Variants in NPAS2 observed in about 807,000 individuals in gnomAD.
NPAS2 encodes the protein neuronal PAS domain-containing protein 2.
A neutral mutation model predicts 107.5 loss-of-function variants in NPAS2; 23 were observed. The ratio of observed to expected loss-of-function variants is 0.21; its 90% CI spans 0.15 to 0.30. The LOEUF (loss-of-function observed/expected upper bound fraction) is 0.30, where lower values mean the gene tolerates loss of function less well. Among genes scored for constraint, NPAS2 ranks in the 10% least tolerant of loss-of-function variants. The pLI is 1.00. For missense variants in NPAS2, 756 were observed against 1,043.3 expected, an observed-to-expected ratio of 0.72 and a Z score of 3.79; for synonymous variants, 403 against 417.5, an observed-to-expected ratio of 0.97 and a Z score of 0.42.
rs145934985 is a variant in NPAS2 at position 100,941,235 on chromosome 2, A to T, written c.363+3393A>T. 3.9e-3 allele frequency among the ~76,000 whole-genome samples: 593 copies of T among 152,366 alleles called. 3 individuals carry two copies. The highest frequency in any genetic ancestry group is 5.4e-3 in the Admixed American group (83 of 15,310). ...TTTCTTTACCAAATTGGCAGAGAAA[A>T]AAGAGAATAAAATAGCTGAAAGTGA... On this transcript the variant is annotated intron_variant, in intron 5 of 20. Coordinates refer to ENST00000335681, the MANE Select transcript of NPAS2 (RefSeq NM_002518.4).
At chr2:100,982,058 C>A (rs1677475667) in intron 15 of NPAS2, among the ~76,000 whole-genome samples, 173 bp from the exon 16 acceptor site, 1 of 152,226 alleles carries the variant, frequency 6.6e-6, no homozygotes, top group African/African-American at 2.4e-5. Context: ...ATGCCCAGAC[C>A]TCATCTGCAG....
intron 1 of NPAS2, among the ~76,000 whole-genome samples, chr2:100,874,700 C>G (rs1024122413): frequency 1.3e-5 from 2 of 152,062 alleles, no homozygotes; most frequent in Admixed American, 1.3e-4. Context: ...TGAGATCACA[C>G]CATTGCACTC....
chr2:100,833,100 A>G (rs1676845924), intron 1 of NPAS2, among the ~76,000 whole-genome samples: 2 of 152,208 alleles, frequency 1.3e-5, no homozygotes. Context: ...GCAGCACCCT[A>G]TGACCTGATT....
chr2:100,966,753 G>A (rs1019069472), intron 10 of NPAS2, among the ~76,000 whole-genome samples: 111 of 151,896 alleles, frequency 7.3e-4, no homozygotes, highest in African/African-American at 2.6e-3. Context: ...GTGCCACCAC[G>A]CCCAGCTAAT....
At chr2:100,821,229 C>T in intron 1 of NPAS2, 2 of 1,294,772 alleles carry the variant, frequency 1.5e-6, no homozygotes, top group Non-Finnish European at 2.0e-6. Context: ...CCCTGTGATT[C>T]ATAAATAATT....
At chr2:100,828,882 C>CT in intron 1 of NPAS2, among the ~76,000 whole-genome samples, 1 of 152,170 alleles carries the variant, frequency 6.6e-6, no homozygotes, top group East Asian at 1.9e-4. Flanking sequence ...TATTCAAGCT[C>CT]TTTTTTGGTT....
intron 12 of NPAS2, 38 bp from the exon 13 acceptor site, chr2:100,974,765 G>A: frequency 6.3e-7 from 1 of 1,587,310 alleles, no homozygotes; most frequent in Non-Finnish European, 8.6e-7. Context: ...CTTTCCTCTT[G>A]ATGCTGACAT....
Position 100,852,590 on chromosome 2 carries a change from C to T in NPAS2, c.-23+32176C>T, listed in dbSNP as rs1280890254. Reference sequence around the variant, plus strand: ...AGCATACCCCATTTGGCCCCACAAACCTGTCCTTGTCTAGCTAGAGTGGAA... The same window carrying T: ...AGCATACCCCATTTGGCCCCACAAATCTGTCCTTGTCTAGCTAGAGTGGAA... On this transcript the variant is annotated intron_variant, in intron 1 of 20. Coordinates refer to ENST00000335681, the MANE Select transcript of NPAS2 (RefSeq NM_002518.4). Among the ~76,000 whole-genome samples the T allele has an allele frequency of 2.6e-5, 4 of 152,028 alleles. 1 individual carries two copies. Among genetic ancestry groups the T allele is most frequent in the Non-Finnish European group, 5.9e-5 (4 of 68,020 alleles).
rs923367822 is a variant in NPAS2, at chr2:100,968,199, C to G, written c.908-82C>G. The G allele has an allele frequency of 6.9e-7, 1 of 1,450,966 alleles. No individual in the cohort carries two copies. The highest frequency in any genetic ancestry group is 1.4e-5 in the African/African-American group (1 of 71,010). 89.9% of individuals were successfully genotyped at this position (1,450,966 alleles called of 1,614,324 possible). A position where few individuals can be genotyped will look rare whatever the true frequency, so the allele number is the denominator to read the frequency against. On this transcript the variant is annotated intron_variant, in intron 10 of 20. Transcript: ENST00000335681. The surrounding 1 kb of genome is among the most constrained non-coding windows in gnomAD (Gnocchi z 5.3). Reference sequence around the variant, plus strand: ...TTGGTATTGTCTTTTTTTTTGAAAGCTTATCTTTACAATAACTCTTGGGGA... The same window carrying G: ...TTGGTATTGTCTTTTTTTTTGAAAGGTTATCTTTACAATAACTCTTGGGGA...
At chr2:100,937,142 G>T (rs932868999) in intron 4 of NPAS2, among the ~76,000 whole-genome samples, 2 of 152,146 alleles carry the variant, frequency 1.3e-5, no homozygotes, top group African/African-American at 2.4e-5. Context: ...CAGACATTCT[G>T]AAATGCTTAC....
chr2:100,832,729 G>A (rs1676820169), intron 1 of NPAS2, among the ~76,000 whole-genome samples: 1 of 150,858 alleles, frequency 6.6e-6, no homozygotes, highest in African/African-American at 2.4e-5. Flanking sequence ...GGGGGTGCTA[G>A]TGCAGGAGAC....
intron 15 of NPAS2, among the ~76,000 whole-genome samples, chr2:100,979,497 TA>T (rs1677280018): frequency 1.9e-3 from 108 of 57,548 alleles, no homozygotes; most frequent in African/African-American, 8.6e-3. Context: ...TATATATATA[TA>T]TATATTTTTT....
chr2:100,937,870 C>T (rs377422237), intron 5 of NPAS2, 28 bp downstream of exon 5: 591 of 1,473,352 alleles, frequency 4.0e-4, no homozygotes, highest in South Asian at 4.6e-4. Flanking sequence ...TGGCCTTTAC[C>T]GGTTCACGTT....
At chr2:100,988,496 T>G (rs541396936) in intron 17 of NPAS2, 1 of 559,808 alleles carries the variant, frequency 1.8e-6, no homozygotes, top group African/African-American at 1.9e-5. Context: ...GTTTTATAAA[T>G]GTCCACCTCA....
chr2:100,909,242 G>A (rs775391780), intron 2 of NPAS2, among the ~76,000 whole-genome samples: 7 of 152,180 alleles, frequency 4.6e-5, no homozygotes, highest in African/African-American at 1.2e-4. Flanking sequence ...CCCTCAGAGC[G>A]CTTTCAGGCA....
chr2:100,993,160 C>T (rs1344127004), intron 19 of NPAS2, among the ~76,000 whole-genome samples, 187 bp from the exon 20 acceptor site: 1 of 152,114 alleles, frequency 6.6e-6, no homozygotes. Flanking sequence ...ATCTCGATCT[C>T]CTGACCTTGT....
At chr2:100,922,978 C>CT (rs1234346665) in intron 2 of NPAS2, among the ~76,000 whole-genome samples, 2 of 152,102 alleles carry the variant, frequency 1.3e-5, no homozygotes, top group African/African-American at 4.8e-5. Context: ...AGGAACAGAG[C>CT]TTTTTTTGGC....
chr2:100,884,607 T>C (rs1190769429), intron 1 of NPAS2, among the ~76,000 whole-genome samples: 4 of 152,168 alleles, frequency 2.6e-5, no homozygotes, highest in Non-Finnish European at 5.9e-5. Flanking sequence ...GGTGGTGTTA[T>C]TGTTAATATA....
In NPAS2 at chr2:100,970,384, G is replaced by A. The variant is rs563713875; in HGVS notation, c.1056-606G>A. Among the ~76,000 whole-genome samples the A allele has an allele frequency of 2.6e-5, 4 of 152,350 alleles. No individual in the cohort carries two copies. In the South Asian group the frequency reaches 6.2e-4, roughly 24 times the overall value. On this transcript the variant is annotated intron_variant, in intron 11 of 20. Coordinates refer to ENST00000335681, the MANE Select transcript of NPAS2 (RefSeq NM_002518.4). ...GGCGTTCCGGAGGCCCAGGAGCCAC[G>A]TTGCTTTCCAAGGCCTCTTGCCCCA...
Sources: gnomAD v4.1 joint callset for allele counts (sites outside exome capture counted in the v4.1 genomes callset) on GRCh38, gnomAD v4.1.1 for gene constraint, Gnocchi (gnomAD v3.1) non-coding constraint, MANE v1.5 for transcripts, NCBI Gene and HGNC (gene_info 2026-07-23, HGNC 2026-07-21) for gene names.